TMEM178B: variants seen among roughly 807,000 people sequenced by gnomAD.
TMEM178B encodes transmembrane protein 178B.
TMEM178B carries 5 observed loss-of-function variants against 31.0 expected under a neutral mutation model. The observed-to-expected ratio is 0.16, with a 90% CI of 0.08 to 0.34. The LOEUF (loss-of-function observed/expected upper bound fraction) is 0.34. Ranked by LOEUF, TMEM178B falls within the 10% of genes least tolerant of loss-of-function variation. TMEM178B has a pLI of 1.00. For missense variants in TMEM178B, 275 were observed against 400.3 expected (o/e 0.69, Z 2.67); for synonymous variants, 164 against 164.0 (o/e 1.00, Z 0.00).
intron 2 of TMEM178B, among the ~76,000 whole-genome samples, chr7:141,254,238 G>A (rs1030348996): frequency 6.6e-6 from 1 of 152,194 alleles, no homozygotes. Flanking sequence ...AGGCAGCATG[G>A]GTGGGAAATG....
Position 141,471,685 on chromosome 7 carries a change from C to T in TMEM178B, c.*899C>T, listed in dbSNP as rs1211487853. 3 of 151,884 alleles carry T rather than the reference C, an allele frequency of 2.0e-5. No individual in the cohort carries two copies. The highest frequency in any genetic ancestry group is 7.3e-5 in the African/African-American group (3 of 41,296). 9.4% of individuals were successfully genotyped at this position (151,884 alleles called of 1,614,324 possible). ...TATCACTGTAGTGGTTTCATGGCCC[C>T]AGATAGAGGCCCAGAGACCTAGAAA... On this transcript the variant is annotated 3_prime_UTR_variant, in exon 4 of 4. Coordinates refer to ENST00000565468, the MANE Select transcript of TMEM178B (RefSeq NM_001195278.2). The surrounding 1 kb of genome is among the most constrained non-coding windows in gnomAD (Gnocchi z 4.1).
intron 2 of TMEM178B, among the ~76,000 whole-genome samples, chr7:141,379,907 A>G (rs1446274753): frequency 6.6e-6 from 1 of 152,194 alleles, no homozygotes; most frequent in Non-Finnish European, 1.5e-5. Flanking sequence ...TGTCTCAAGT[A>G]TATTACAATT....
chr7:141,350,389 G>T (rs1799699756), intron 2 of TMEM178B, among the ~76,000 whole-genome samples: 2 of 152,068 alleles, frequency 1.3e-5, no homozygotes, highest in Admixed American at 6.6e-5. Flanking sequence ...TCCCCCACTA[G>T]AATGTAAGGT....
At chr7:141,209,802 A>G (rs944082231) in intron 1 of TMEM178B, among the ~76,000 whole-genome samples, 15 of 152,068 alleles carry the variant, frequency 9.9e-5, no homozygotes, top group Admixed American at 6.5e-5. Context: ...GTAGATGTTT[A>G]CTCATCCTAA....
rs149336220 is a variant in TMEM178B at position 141,334,805 on chromosome 7, T to C, written c.497-102803T>C. Among the ~76,000 whole-genome samples the C allele has an allele frequency of 2.0e-3, 309 of 152,342 alleles. 2 individuals are homozygous for C. The highest frequency in any genetic ancestry group is 6.8e-3 in the Middle Eastern group (2 of 294). ...CAGGTAATTAAAAGTGTCAGCTCCT[T>C]ATCCAGGAGAGGGTTCTATTAAATT... On this transcript the variant is annotated intron_variant, in intron 2 of 3. Transcript: ENST00000565468.
At chr7:141,311,069 G>A (rs1161012698) in intron 2 of TMEM178B, among the ~76,000 whole-genome samples, 1 of 152,212 alleles carries the variant, frequency 6.6e-6, no homozygotes, top group Admixed American at 6.5e-5. Flanking sequence ...AACACTGCAT[G>A]TTCTCACTTA....
At chr7:141,301,755 C>T (rs1798730743) in intron 2 of TMEM178B, among the ~76,000 whole-genome samples, 4 of 152,164 alleles carry the variant, frequency 2.6e-5, no homozygotes, top group African/African-American at 7.2e-5. Context: ...AGATGTCCTC[C>T]AAATCCAGCA....
At chr7:141,356,111 A>G (rs543227707) in intron 2 of TMEM178B, among the ~76,000 whole-genome samples, 6 of 152,184 alleles carry the variant, frequency 3.9e-5, no homozygotes, top group Middle Eastern at 3.4e-3. Flanking sequence ...TCTTTTTCCA[A>G]TCCGTCATTG....
intron 3 of TMEM178B, among the ~76,000 whole-genome samples, chr7:141,458,293 A>G (rs1292614486): frequency 6.6e-6 from 1 of 151,984 alleles, no homozygotes; most frequent in Non-Finnish European, 1.5e-5. Context: ...CTGATTTTGT[A>G]TTTTTTAGTA....
chr7:141,253,889 C>T (rs972509326), intron 2 of TMEM178B, among the ~76,000 whole-genome samples: 2 of 152,144 alleles, frequency 1.3e-5, no homozygotes, highest in South Asian at 4.1e-4. Context: ...AGTTGTGACT[C>T]CTAACACTAG....
chr7:141,327,086 T>C (rs558708996), intron 2 of TMEM178B, among the ~76,000 whole-genome samples: 1 of 152,332 alleles, frequency 6.6e-6, no homozygotes, highest in Non-Finnish European at 1.5e-5. Context: ...CTGAGTGCTA[T>C]TCTCTTGGTT....
intron 1 of TMEM178B, among the ~76,000 whole-genome samples, chr7:141,172,197 C>T (rs1461943379): frequency 6.6e-6 from 1 of 152,124 alleles, no homozygotes; most frequent in Non-Finnish European, 1.5e-5. Context: ...TTCATAATTT[C>T]GCTTCATCTC....
rs1799584964 is a variant in TMEM178B, at chr7:141,344,614, TCCTTCCTTCCTTCCTC to T, written c.497-92984_497-92969del. Among the ~76,000 whole-genome samples, 3 of 146,324 alleles carry T rather than the reference TCCTTCCTTCCTTCCTC, an allele frequency of 2.1e-5. No homozygotes were observed. The highest frequency in any genetic ancestry group is 8.0e-5 in the African/African-American group (3 of 37,646). On this transcript the variant is annotated intron_variant, in intron 2 of 3. Transcript: ENST00000565468. The surrounding 1 kb of genome is among the most constrained non-coding windows in gnomAD (Gnocchi z 4.1). ...TTCCTTCCTTCCTTCCTTCCTTCCT[TCCTTCCTTCCTTCCTC>T]CCTTCCTTCTTCCCTTCATCAAAAG...
intron 2 of TMEM178B, among the ~76,000 whole-genome samples, chr7:141,216,182 T>C (rs10241049): frequency 5.9e-4 from 90 of 152,094 alleles, no homozygotes; most frequent in African/African-American, 2.1e-3. Context: ...TCATCAACCA[T>C]TGATATAGAA....
intron 1 of TMEM178B, among the ~76,000 whole-genome samples, chr7:141,085,378 T>G (rs1269177153): frequency 6.6e-6 from 1 of 152,100 alleles, no homozygotes; most frequent in Non-Finnish European, 1.5e-5. Context: ...CAGGTGATGT[T>G]TCCTCTGAGT....
intron 1 of TMEM178B, among the ~76,000 whole-genome samples, chr7:141,099,369 C>T (rs1795015255): frequency 6.6e-6 from 1 of 152,120 alleles, no homozygotes; most frequent in African/African-American, 2.4e-5. Flanking sequence ...TATTTTGTGG[C>T]CACACGTTCC....
intron 2 of TMEM178B, among the ~76,000 whole-genome samples, chr7:141,327,442 G>A (rs1320291499): frequency 6.6e-6 from 1 of 152,066 alleles, no homozygotes; most frequent in South Asian, 2.1e-4. Context: ...CATTAGAGTG[G>A]TACATTTGTT....
downstream of TMEM178B, among the ~76,000 whole-genome samples, chr7:141,483,452 G>T (rs1034748302): frequency 1.8e-4 from 27 of 152,124 alleles, no homozygotes; most frequent in African/African-American, 6.5e-4. Flanking sequence ...AAGAGGCTGG[G>T]GACAGGGGGA....
intron 1 of TMEM178B, among the ~76,000 whole-genome samples, chr7:141,188,289 C>A (rs894342105): frequency 6.6e-6 from 1 of 152,078 alleles, no homozygotes; most frequent in Non-Finnish European, 1.5e-5. Context: ...TCCAAAAATG[C>A]AAAAATCTGA....
Sources: gnomAD v4.1 joint callset for allele counts (sites outside exome capture counted in the v4.1 genomes callset) on GRCh38, gnomAD v4.1.1 for gene constraint, Gnocchi (gnomAD v3.1) non-coding constraint, MANE v1.5 for transcripts, NCBI Gene and HGNC (gene_info 2026-07-23, HGNC 2026-07-21) for gene names.